The following GFRA1 variants were observed in gnomAD, a reference collection of about 807,000 sequenced individuals.
GFRA1 encodes GDNF family receptor alpha 1.
GFRA1 carries 16 observed loss-of-function variants against 51.6 expected under a neutral mutation model. That is an observed-to-expected ratio of 0.31 (90% confidence interval 0.21 to 0.47). The LOEUF (loss-of-function observed/expected upper bound fraction) is 0.47, where lower values mean the gene tolerates loss of function less well. GFRA1 is among the 20% of genes least tolerant of loss of function. GFRA1 has a pLI of 1.00. For synonymous variants in GFRA1, 270 were observed against 241.3 expected (o/e 1.12, Z -1.10); for missense variants, 530 against 594.3 (o/e 0.89, Z 1.13).
chr10:116,071,027 G>A (rs1280090699), intron 9 of GFRA1, among the ~76,000 whole-genome samples: 1 of 152,240 alleles, frequency 6.6e-6, no homozygotes, highest in African/African-American at 2.4e-5. Flanking sequence ...CTCTGAGCCT[G>A]TGGGCTGGGG....
intron 6 of GFRA1, among the ~76,000 whole-genome samples, chr10:116,102,736 T>G (rs1298423783): frequency 6.6e-6 from 1 of 152,178 alleles, no homozygotes; most frequent in Non-Finnish European, 1.5e-5. Context: ...ACTGCCCCCA[T>G]GATTCAATTA....
chr10:116,264,056 C>T (rs1274066088), intron 4 of GFRA1, among the ~76,000 whole-genome samples: 8 of 152,050 alleles, frequency 5.3e-5, no homozygotes. Context: ...ACTGAGACAC[C>T]GCCAGATGGA....
At chr10:116,147,911 T>C (rs1958880126) in intron 5 of GFRA1, among the ~76,000 whole-genome samples, 1 of 151,768 alleles carries the variant, frequency 6.6e-6, no homozygotes, top group African/African-American at 2.4e-5. Context: ...GGCTTTTTTT[T>C]GGAATACAAG....
intron 5 of GFRA1, among the ~76,000 whole-genome samples, chr10:116,175,667 G>A (rs1271736820): frequency 6.6e-6 from 1 of 152,128 alleles, no homozygotes; most frequent in African/African-American, 2.4e-5. Context: ...CCTATCATGG[G>A]GAAAGGGTGA....
At chr10:116,158,659 T>C (rs1565616958) in intron 5 of GFRA1, among the ~76,000 whole-genome samples, 1 of 152,220 alleles carries the variant, frequency 6.6e-6, no homozygotes, top group Non-Finnish European at 1.5e-5. Flanking sequence ...CAGTGATGTC[T>C]AGCCACTGCT....
intron 5 of GFRA1, among the ~76,000 whole-genome samples, chr10:116,144,059 T>C (rs1488794500): frequency 6.6e-6 from 1 of 152,194 alleles, no homozygotes; most frequent in African/African-American, 2.4e-5. Context: ...GACTCCCACA[T>C]AGACTGATTT....
chr10:116,163,622 C>A (rs1214697195), intron 5 of GFRA1, among the ~76,000 whole-genome samples: 1 of 152,196 alleles, frequency 6.6e-6, no homozygotes, highest in Admixed American at 6.5e-5. Context: ...TGTGGTCACT[C>A]CCCCAGCATG....
At chr10:116,185,214 C>G (rs147185886) in intron 5 of GFRA1, among the ~76,000 whole-genome samples, 266 of 151,796 alleles carry the variant, frequency 1.8e-3, no homozygotes, top group African/African-American at 6.0e-3. Flanking sequence ...TCTGCTACTT[C>G]CTAACTTTGT....
chr10:116,100,572 T>C (rs1350749607), intron 6 of GFRA1, among the ~76,000 whole-genome samples: 1 of 152,196 alleles, frequency 6.6e-6, no homozygotes, highest in Non-Finnish European at 1.5e-5. Context: ...CTTTGAATGA[T>C]CCAAGGGTTT....
At chr10:116,134,059 G>C (rs1224466026) in intron 5 of GFRA1, among the ~76,000 whole-genome samples, 1 of 152,162 alleles carries the variant, frequency 6.6e-6, no homozygotes, top group Admixed American at 6.5e-5. Flanking sequence ...ACAGATGCAA[G>C]CAACTAGAAA....
intron 4 of GFRA1, among the ~76,000 whole-genome samples, chr10:116,255,096 C>G (rs1968720620): frequency 6.6e-6 from 1 of 152,142 alleles, no homozygotes; most frequent in South Asian, 2.1e-4. Flanking sequence ...AAAGTTACCC[C>G]CCTCCACCAT....
chr10:116,180,992 ACCC>A (rs1044676518), intron 5 of GFRA1, among the ~76,000 whole-genome samples: 6 of 151,990 alleles, frequency 3.9e-5, no homozygotes, highest in Non-Finnish European at 8.8e-5. Flanking sequence ...CTTCTAAATC[ACCC>A]CATGAAGTTA....
intron 5 of GFRA1, among the ~76,000 whole-genome samples, chr10:116,129,566 A>C (rs906740675): frequency 3.3e-5 from 5 of 152,134 alleles, no homozygotes; most frequent in African/African-American, 1.2e-4. Flanking sequence ...AACTAAAGTC[A>C]TATTTCATGG....
rs997730250 is a variant in GFRA1 at position 116,061,907 on chromosome 10, A to G, written c.*2491T>C. ...CCTTGCTTGGCTTGCTTTGATAAGA[A>G]TCTCTCTAACGTGTTGTCCCTGAAC... On this transcript the variant is annotated 3_prime_UTR_variant, in exon 11 of 11. Transcript: ENST00000355422. The G allele has an allele frequency of 5.0e-6, 2 of 398,210 alleles. No individual in the cohort carries two copies. Among genetic ancestry groups the G allele is most frequent in the Admixed American group, 8.8e-5 (2 of 22,728 alleles). The allele number at this position is 398,210 out of a possible 1,614,324, so 24.7% of individuals were successfully genotyped here.
chr10:116,073,661 T>C (rs1955499377), intron 9 of GFRA1, among the ~76,000 whole-genome samples: 1 of 152,188 alleles, frequency 6.6e-6, no homozygotes, highest in Admixed American at 6.5e-5. Flanking sequence ...CAGTTGGGAA[T>C]GCAAATGTGC....
intron 6 of GFRA1, among the ~76,000 whole-genome samples, chr10:116,097,450 G>A (rs1464310535): frequency 6.6e-6 from 1 of 152,220 alleles, no homozygotes; most frequent in Non-Finnish European, 1.5e-5. Context: ...CTGCCTGCAG[G>A]TTGGAATCTC....
At chr10:116,088,301 TGG>T (rs67920503) in intron 9 of GFRA1, among the ~76,000 whole-genome samples, 1 of 152,108 alleles carries the variant, frequency 6.6e-6, no homozygotes, top group South Asian at 2.1e-4. Context: ...TGATGGGGGC[TGG>T]GGGGCCTCGA....
chr10:116,192,344 G>A (rs73370484), intron 5 of GFRA1, among the ~76,000 whole-genome samples: 3,579 of 152,240 alleles, frequency 0.024, 159 homozygotes, highest in African/African-American at 0.082. Context: ...GCAGAAAGGG[G>A]GTAGCATAGG....
intron 4 of GFRA1, among the ~76,000 whole-genome samples, chr10:116,239,740 A>G (rs1217709084): frequency 6.6e-6 from 1 of 152,232 alleles, no homozygotes; most frequent in Non-Finnish European, 1.5e-5. Flanking sequence ...CTTCAACAAA[A>G]GGAGGCTGCT....
Sources: allele counts gnomAD v4.1 joint callset (sites outside exome capture counted in the v4.1 genomes callset), GRCh38; gene constraint gnomAD v4.1.1; transcripts MANE v1.5; gene names NCBI Gene and HGNC (gene_info 2026-07-23, HGNC 2026-07-21).